Variants in FBXL13 observed in about 807,000 individuals in gnomAD.
FBXL13 encodes F-box and leucine-rich repeat protein 13.
In FBXL13, 67 loss-of-function variants were observed where a neutral mutation model predicts 83.6. The observed-to-expected ratio is 0.80, with a 90% confidence interval of 0.66 to 0.98. The LOEUF (loss-of-function observed/expected upper bound fraction) is 0.98, where lower values mean the gene tolerates loss of function less well. FBXL13 is among the 50% of genes least tolerant of loss of function. The probability of loss-of-function intolerance (pLI) is 0.00; values close to 1 mark genes in which losing one functional copy is unlikely to be tolerated. For synonymous variants in FBXL13, 272 were observed against 299.5 expected, an observed-to-expected ratio of 0.91 and a Z score of 0.95; for missense variants, 822 against 866.5, an observed-to-expected ratio of 0.95 and a Z score of 0.64.
chr7:102,908,361 A>T (rs1283842769), intron 11 of FBXL13, among the ~76,000 whole-genome samples: 1 of 152,180 alleles, frequency 6.6e-6, no homozygotes, highest in Non-Finnish European at 1.5e-5. Flanking sequence ...GCTATTTTGA[A>T]TTCTCTGTCT....
chr7:103,029,234 A>G (rs1297077112), intron 3 of FBXL13, 117 bp downstream of exon 4: 3 of 573,270 alleles, frequency 5.2e-6, no homozygotes. Flanking sequence ...AAAATGGTAG[A>G]AACATGATTA....
chr7:103,052,340 C>A (rs972285944), intron 2 of FBXL13, among the ~76,000 whole-genome samples: 4 of 152,156 alleles, frequency 2.6e-5, no homozygotes, highest in Admixed American at 2.6e-4. Context: ...TCTCCTACCT[C>A]AGCCTCCTAA....
intron 6 of FBXL13, among the ~76,000 whole-genome samples, chr7:103,023,452 T>C (rs1447335342): frequency 1.3e-5 from 2 of 152,152 alleles, no homozygotes; most frequent in Non-Finnish European, 1.5e-5. Flanking sequence ...GAATGGCTAT[T>C]ATTAAAAAGT....
chr7:102,819,007 G>A (rs1017893442), intron 19 of FBXL13, among the ~76,000 whole-genome samples: 1 of 152,044 alleles, frequency 6.6e-6, no homozygotes, highest in Non-Finnish European at 1.5e-5. Context: ...ATCTGTCCAT[G>A]TGTTGTCATC....
chr7:102,824,297 T>A (rs1354005863), intron 18 of FBXL13, among the ~76,000 whole-genome samples: 1 of 152,196 alleles, frequency 6.6e-6, no homozygotes, highest in Non-Finnish European at 1.5e-5. Flanking sequence ...TATTTTTAAA[T>A]GAAATTATTT....
At chr7:102,964,173 T>C (rs1235505748) in intron 7 of FBXL13, among the ~76,000 whole-genome samples, 3 of 151,570 alleles carry the variant, frequency 2.0e-5, no homozygotes, top group Admixed American at 6.6e-5. Flanking sequence ...TAGCCAGGCG[T>C]GGTGACACAC....
At chr7:102,987,168 G>A (rs2129484075) in intron 6 of FBXL13, among the ~76,000 whole-genome samples, 1 of 152,216 alleles carries the variant, frequency 6.6e-6, no homozygotes, top group South Asian at 2.1e-4. Flanking sequence ...GAGGGCGAGA[G>A]AGGAGTGAGG....
At chr7:103,074,698 C>G (rs1312647337), upstream of FBXL13, 4 of 1,289,722 alleles carry the variant, frequency 3.1e-6, no homozygotes, top group Non-Finnish European at 4.0e-6. Context: ...TCCAGTACCT[C>G]GCAGACCTGA....
exon 1 of FBXL13, chr7:103,074,289 C>G (rs1339159133): frequency 2.0e-6 from 2 of 1,012,776 alleles, no homozygotes; most frequent in Non-Finnish European, 2.4e-6. Flanking sequence ...CTAGTGCCTA[C>G]TCCCTACTTC....
intron 8 of FBXL13, among the ~76,000 whole-genome samples, chr7:102,935,400 C>A (rs969048800): frequency 6.6e-6 from 1 of 151,736 alleles, no homozygotes; most frequent in Non-Finnish European, 1.5e-5. Flanking sequence ...TAATAAATGC[C>A]TCTTAACATC....
intron 8 of FBXL13, among the ~76,000 whole-genome samples, chr7:102,953,802 AC>A (rs1823800708): frequency 6.6e-6 from 1 of 152,088 alleles, no homozygotes; most frequent in Non-Finnish European, 1.5e-5. Flanking sequence ...TCAAACTGAA[AC>A]CCTGAATGTT....
intron 16 of FBXL13, among the ~76,000 whole-genome samples, chr7:102,873,790 G>C (rs139834293): frequency 0.028 from 4,327 of 152,238 alleles, 88 homozygotes; most frequent in Non-Finnish European, 0.037. Context: ...TAGGTTTCTT[G>C]ATATCTCACA....
At chr7:103,068,978 G>A (rs1415569134) in intron 1 of FBXL13, among the ~76,000 whole-genome samples, 2 of 152,222 alleles carry the variant, frequency 1.3e-5, no homozygotes, top group Admixed American at 6.5e-5. Context: ...GAAGTAAGGA[G>A]CACCTCTGCC....
At chr7:102,954,131 C>T (rs1823865286) in intron 8 of FBXL13, among the ~76,000 whole-genome samples, 1 of 152,152 alleles carries the variant, frequency 6.6e-6, no homozygotes, top group Admixed American at 6.6e-5. Flanking sequence ...CAGAGCATCG[C>T]CTCACCCAGG....
chr7:102,826,522 G>T (rs1197915385), intron 18 of FBXL13, among the ~76,000 whole-genome samples: 2 of 151,196 alleles, frequency 1.3e-5, no homozygotes, highest in Non-Finnish European at 2.9e-5. Context: ...GATCACTTGA[G>T]CCCAGGAGTT....
At chr7:102,862,781 C>T (rs1035896717) in intron 16 of FBXL13, among the ~76,000 whole-genome samples, 46 of 152,196 alleles carry the variant, frequency 3.0e-4, no homozygotes, top group Non-Finnish European at 4.6e-4. Context: ...ATAGCATCTT[C>T]CTTGTTTCTC....
At chr7:103,005,177 T>G (rs1036028714) in intron 6 of FBXL13, among the ~76,000 whole-genome samples, 7 of 152,198 alleles carry the variant, frequency 4.6e-5, no homozygotes, top group African/African-American at 1.7e-4. Flanking sequence ...TATCACTACC[T>G]ATGGCAGAAA....
At chr7:103,036,735 C>T (rs1361988990) in intron 2 of FBXL13, among the ~76,000 whole-genome samples, 2 of 152,178 alleles carry the variant, frequency 1.3e-5, no homozygotes, top group African/African-American at 4.8e-5. Context: ...TGCTCTTGAA[C>T]TCCTGGCCTC....
At chr7:102,842,129 A>G (rs1251162092) in intron 17 of FBXL13, among the ~76,000 whole-genome samples, 1 of 152,208 alleles carries the variant, frequency 6.6e-6, no homozygotes, top group Non-Finnish European at 1.5e-5. Context: ...AAGAGACAAA[A>G]GATCCAAATG....
Sources: gnomAD v4.1 joint callset for allele counts (sites outside exome capture counted in the v4.1 genomes callset) on GRCh38, gnomAD v4.1.1 for gene constraint, MANE v1.5 for transcripts, NCBI Gene and HGNC (gene_info 2026-07-23, HGNC 2026-07-21) for gene names.